The following LRP1B variants were observed in gnomAD, a reference collection of about 807,000 sequenced individuals.
LRP1B encodes the protein LDL receptor related protein 1B, also known as low-density lipoprotein receptor-related protein 1B.
A neutral mutation model predicts 556.6 loss-of-function variants in LRP1B; 217 were observed. The observed-to-expected ratio is 0.39, with a 90% confidence interval of 0.35 to 0.44. LRP1B has a LOEUF of 0.44. Among genes scored for constraint, LRP1B ranks in the 20% least tolerant of loss-of-function variants. The pLI is 1.00. For synonymous variants in LRP1B, 2,047 were observed against 1,865.8 expected, an observed-to-expected ratio of 1.10 and a Z score of -2.50; for missense variants, 5,053 against 5,620.8, an observed-to-expected ratio of 0.90 and a Z score of 3.23.
chr2:140,931,279 G>C (rs1397741924), intron 20 of LRP1B, among the ~76,000 whole-genome samples: 1 of 152,062 alleles, frequency 6.6e-6, no homozygotes, highest in Non-Finnish European at 1.5e-5. Flanking sequence ...ATATTTCTTG[G>C]TTTATTATTC....
intron 60 of LRP1B, among the ~76,000 whole-genome samples, chr2:140,464,725 C>A (rs770364668): frequency 7.9e-5 from 12 of 152,094 alleles, no homozygotes; most frequent in Non-Finnish European, 1.2e-4. Flanking sequence ...ATAGTCTGAG[C>A]CTGACTATAA....
At chr2:141,080,710 T>A (rs10221652) in intron 7 of LRP1B, among the ~76,000 whole-genome samples, 3,093 of 152,316 alleles carry the variant, frequency 0.02, 109 homozygotes, top group African/African-American at 0.07. Context: ...TGTCTCTATT[T>A]CATTCTGAGG....
At chr2:140,342,319 T>C (rs570369385) in intron 77 of LRP1B, among the ~76,000 whole-genome samples, 2 of 151,488 alleles carry the variant, frequency 1.3e-5, no homozygotes, top group South Asian at 4.2e-4. Context: ...TAAAAATATT[T>C]ACTATTCAGT....
At chr2:140,429,035 A>ATAAGATACCTC (rs1338456238) in intron 66 of LRP1B, among the ~76,000 whole-genome samples, 1 of 152,044 alleles carries the variant, frequency 6.6e-6, no homozygotes, top group African/African-American at 2.4e-5. Flanking sequence ...ACCCACAAGT[A>ATAAGATACCTC]TAAGATACCT....
chr2:141,646,475 A>G (rs995207976), intron 2 of LRP1B, among the ~76,000 whole-genome samples: 1 of 152,126 alleles, frequency 6.6e-6, no homozygotes, highest in Non-Finnish European at 1.5e-5. Context: ...TGTGATATGA[A>G]AAGAATAATA....
chr2:140,873,078 A>G (rs2105166578), intron 25 of LRP1B, among the ~76,000 whole-genome samples: 1 of 152,218 alleles, frequency 6.6e-6, no homozygotes, highest in South Asian at 2.1e-4. Context: ...ATCTTTAATA[A>G]ATAAGCTAGC....
intron 7 of LRP1B, among the ~76,000 whole-genome samples, chr2:141,152,563 A>G (rs1473155440): frequency 6.6e-6 from 1 of 151,960 alleles, no homozygotes; most frequent in Non-Finnish European, 1.5e-5. Context: ...ATAACTGTCC[A>G]TGAGAATGTA....
In LRP1B at chr2:140,434,194, C is replaced by T. The variant is rs373918457; in HGVS notation, c.10414+8310G>A. Among the ~76,000 whole-genome samples, 17 of 152,142 alleles carry T rather than the reference C, an allele frequency of 1.1e-4. No individual in the cohort carries two copies. The East Asian group carries it at 1.2e-3, about 10-fold the overall frequency. On this transcript the variant is annotated intron_variant, in intron 66 of 90. Coordinates refer to ENST00000389484, the MANE Select transcript of LRP1B (RefSeq NM_018557.3). ...AAACGATTCTCCTGCCTCAGCCTCC[C>T]GAGTAGCTGGGATTGCAGGCAAGTG...
At chr2:140,724,632 T>C (rs1045412344) in intron 35 of LRP1B, among the ~76,000 whole-genome samples, 10 of 152,176 alleles carry the variant, frequency 6.6e-5, no homozygotes, top group African/African-American at 2.4e-4. Flanking sequence ...TATTACACTA[T>C]TTTCAGTTAA....
chr2:142,095,366 T>A (rs1706323638), intron 1 of LRP1B, among the ~76,000 whole-genome samples: 1 of 151,796 alleles, frequency 6.6e-6, no homozygotes, highest in African/African-American at 2.4e-5. Flanking sequence ...AGGGAGTAAG[T>A]AGTTCAGTAG....
intron 2 of LRP1B, among the ~76,000 whole-genome samples, chr2:141,781,862 TGATGAA>T (rs1312366978): frequency 1.3e-5 from 2 of 152,160 alleles, no homozygotes; most frequent in Admixed American, 6.6e-5. Flanking sequence ...ATGATGATGA[TGATGAA>T]GAAGATGTTA....
chr2:140,893,621 T>C (rs1693863474), intron 23 of LRP1B, among the ~76,000 whole-genome samples: 1 of 152,172 alleles, frequency 6.6e-6, no homozygotes, highest in South Asian at 2.1e-4. Flanking sequence ...GAGTAATAAA[T>C]ACATGATCGT....
rs1432038864 is a variant in LRP1B, at chr2:140,485,381, C to G, written c.9387G>C (p.Leu3129=). The change falls in exon 59 of 91, where the codon CTG becomes CTC. Residue 3129 remains leucine (L), a synonymous_variant. Transcript: ENST00000389484. ...LYPTILVSKR[L]KFPRDLSLDP... Reference sequence around the variant, plus strand: ...CTAAAGACAAGTCTCTGGGAAACTTCAGCCTTTTGCTAACGAGTATAGTAG... The same window carrying G: ...CTAAAGACAAGTCTCTGGGAAACTTGAGCCTTTTGCTAACGAGTATAGTAG... 6.2e-7 allele frequency: 1 copy of G among 1,612,010 alleles called. No homozygotes were observed. The highest frequency in any genetic ancestry group is 8.5e-7 in the Non-Finnish European group (1 of 1,179,358).
chr2:140,245,005 C>G (rs1432163354), intron 87 of LRP1B, among the ~76,000 whole-genome samples: 1 of 151,266 alleles, frequency 6.6e-6, no homozygotes, highest in Non-Finnish European at 1.5e-5. Context: ...GCTACTGAGG[C>G]AAGTTTCTCG....
chr2:141,803,518 A>C lies in LRP1B; in HGVS notation c.205+6761T>G, dbSNP rs182060309. Among the ~76,000 whole-genome samples the C allele has an allele frequency of 9.9e-5, 15 of 152,186 alleles. No individual in the cohort carries two copies. In the East Asian group the frequency reaches 2.9e-3, roughly 30 times the overall value. ...CAAAACAAAAAGAATTGAAAGAGAC[A>C]TAAACTGTCCTCATGGGTCTCATAT... On this transcript the variant is annotated intron_variant, in intron 2 of 90. Coordinates refer to ENST00000389484, the MANE Select transcript of LRP1B (RefSeq NM_018557.3).
chr2:140,248,577 C>T (rs565425576), intron 86 of LRP1B, among the ~76,000 whole-genome samples: 3 of 151,526 alleles, frequency 2.0e-5, no homozygotes, highest in African/African-American at 4.8e-5. Context: ...GCCAAGTCTA[C>T]GACTCTTGTC....
At chr2:142,102,251 A>G (rs1706592309) in intron 1 of LRP1B, among the ~76,000 whole-genome samples, 1 of 151,884 alleles carries the variant, frequency 6.6e-6, no homozygotes, top group African/African-American at 2.4e-5. Flanking sequence ...TTGTGAACCA[A>G]TTTGTACCCC....
chr2:140,339,487 T>C (rs1253420939), intron 77 of LRP1B, among the ~76,000 whole-genome samples: 3 of 151,690 alleles, frequency 2.0e-5, no homozygotes, highest in Admixed American at 1.3e-4. Flanking sequence ...CATCTAAGAA[T>C]AGAAAATTTG....
intron 84 of LRP1B, among the ~76,000 whole-genome samples, chr2:140,280,720 G>GTCT (rs1424328530): frequency 6.6e-6 from 1 of 151,762 alleles, no homozygotes; most frequent in East Asian, 1.9e-4. Flanking sequence ...CCAAAGTAAT[G>GTCT]TCTTCCTTCC....
Sources: allele counts gnomAD v4.1 joint callset (sites outside exome capture counted in the v4.1 genomes callset), GRCh38; gene constraint gnomAD v4.1.1; transcripts MANE v1.5; gene names NCBI Gene and HGNC (gene_info 2026-07-23, HGNC 2026-07-21).